The following IDH2 variants were observed in gnomAD, a reference collection of about 807,000 sequenced individuals.
IDH2 encodes the protein isocitrate dehydrogenase [NADP], mitochondrial.
Under a neutral mutation model 50.5 loss-of-function variants are expected in IDH2, and 18 were observed. The ratio of observed to expected loss-of-function variants is 0.36; its 90% CI spans 0.25 to 0.53. The LOEUF (loss-of-function observed/expected upper bound fraction) is 0.53. IDH2 is among the 20% of genes least tolerant of loss of function. IDH2 has a pLI of 0.92. For synonymous variants in IDH2, 280 were observed against 239.8 expected, an observed-to-expected ratio of 1.17 and a Z score of -1.55; for missense variants, 518 against 610.7, an observed-to-expected ratio of 0.85 and a Z score of 1.60.
At chr15:90,088,261 T>C in intron 5 of IDH2, 98 bp downstream of exon 5, 1 of 1,493,250 alleles carries the variant, frequency 6.7e-7, no homozygotes, top group South Asian at 1.1e-5. Context: ...CTTTGTGGCC[T>C]AAGAATGAGG....
At chr15:90,086,979 C>T (rs1478734926) in intron 7 of IDH2, 133 bp downstream of exon 7, 4 of 946,618 alleles carry the variant, frequency 4.2e-6, no homozygotes, top group Non-Finnish European at 6.8e-6. Flanking sequence ...AGCTCCTGCC[C>T]CCTGCTGTCC....
intron 7 of IDH2, among the ~76,000 whole-genome samples, chr15:90,086,869 A>T (rs1308006608): frequency 6.6e-6 from 1 of 152,144 alleles, no homozygotes; most frequent in Non-Finnish European, 1.5e-5. Flanking sequence ...CTGTCAACCT[A>T]GCCCTGGAAT....
chr15:90,095,200 G>A (rs993876505), intron 1 of IDH2, among the ~76,000 whole-genome samples: 3 of 152,072 alleles, frequency 2.0e-5, no homozygotes, highest in South Asian at 2.1e-4. Flanking sequence ...TGGAAGACCC[G>A]TGGGTCAGAT....
intron 1 of IDH2, among the ~76,000 whole-genome samples, chr15:90,093,511 T>C (rs112099682): frequency 1.4e-4 from 21 of 152,366 alleles, no homozygotes; most frequent in African/African-American, 4.1e-4. Flanking sequence ...GTGCCTACTA[T>C]GTGCCTTACA....
At chr15:90,089,353 G>A (rs183948412) in intron 3 of IDH2, among the ~76,000 whole-genome samples, 7 of 152,310 alleles carry the variant, frequency 4.6e-5, no homozygotes, top group Admixed American at 2.0e-4. Context: ...AACGGTGCCC[G>A]GTCCATGCTA....
chr15:90,095,362 G>A (rs1316553262), intron 1 of IDH2, among the ~76,000 whole-genome samples: 2 of 152,046 alleles, frequency 1.3e-5, no homozygotes, highest in African/African-American at 2.4e-5. Context: ...TGAAGCTTGA[G>A]TGGAAAGAGC....
At chr15:90,087,378 G>C (rs1397017468) in intron 6 of IDH2, 61 bp downstream of exon 6, 1 of 1,610,900 alleles carries the variant, frequency 6.2e-7, no homozygotes, top group Non-Finnish European at 8.5e-7. Context: ...TCCCAGGGTA[G>C]GATGGGAACA....
chr15:90,092,787 A>G (rs570695310), intron 1 of IDH2, among the ~76,000 whole-genome samples: 2 of 152,308 alleles, frequency 1.3e-5, no homozygotes, highest in African/African-American at 4.8e-5. Flanking sequence ...CATGTTGGCC[A>G]GGCTGGTCTC....
chr15:90,102,467 C>G lies in IDH2; in HGVS notation c.-77G>C. On this transcript the variant is annotated 5_prime_UTR_variant, in exon 1 of 11. Coordinates refer to ENST00000330062, the MANE Select transcript of IDH2 (RefSeq NM_002168.4). Reference sequence around the variant, plus strand: ...CTCCTCCCGGCTGCCTGGCCGCGGGCTAACGCTGGGCCTGGCGGGCGCTGG... The same window carrying G: ...CTCCTCCCGGCTGCCTGGCCGCGGGGTAACGCTGGGCCTGGCGGGCGCTGG... 1.2e-6 allele frequency: 1 copy of G among 827,820 alleles called. No homozygotes were observed. Among genetic ancestry groups the G allele is most frequent in the South Asian group, 5.6e-5 (1 of 17,708 alleles). The allele number at this position is 827,820 out of a possible 1,614,324, so 51.3% of individuals were successfully genotyped here. A position where few individuals can be genotyped will look rare whatever the true frequency, so the allele number is the denominator to read the frequency against.
intron 1 of IDH2, among the ~76,000 whole-genome samples, chr15:90,101,861 G>T (rs1447846349): frequency 6.6e-6 from 1 of 151,948 alleles, no homozygotes; most frequent in Non-Finnish European, 1.5e-5. Flanking sequence ...GCCGAGCCAC[G>T]ACCCTCCCTC....
In IDH2 at chr15:90,084,055, T is replaced by C. The variant is rs1900789911; in HGVS notation, c.*211A>G. 5 of 598,176 alleles carry C rather than the reference T, an allele frequency of 8.4e-6. No homozygotes were observed. The Admixed American group carries it at 1.4e-4, about 17-fold the overall frequency. The allele number at this position is 598,176 out of a possible 1,614,324, so 37.1% of individuals were successfully genotyped here. Reference sequence around the variant, plus strand: ...AATATAAATTACAGTATGCAAAACATACTGACTGGCTGAGGTAAAACGCAC... The same window carrying C: ...AATATAAATTACAGTATGCAAAACACACTGACTGGCTGAGGTAAAACGCAC... On this transcript the variant is annotated 3_prime_UTR_variant, in exon 11 of 11. Transcript: ENST00000330062. This position sits in a 1 kb window ranked among gnomAD's most constrained non-coding sequence, Gnocchi z 5.0.
intron 1 of IDH2, among the ~76,000 whole-genome samples, chr15:90,095,944 G>T (rs1332928645): frequency 6.6e-6 from 1 of 152,134 alleles, no homozygotes; most frequent in East Asian, 1.9e-4. Flanking sequence ...CTTAATTGGT[G>T]ACCAAGTTTT....
rs960072591 is a variant in IDH2 at position 90,098,948 on chromosome 15, T to A, written c.115+3328A>T. 7.2e-5 allele frequency among the ~76,000 whole-genome samples: 11 copies of A among 152,128 alleles called. No individual in the cohort carries two copies. The highest frequency in any genetic ancestry group is 2.7e-4 in the African/African-American group (11 of 41,424). On this transcript the variant is annotated intron_variant, in intron 1 of 10. Transcript: ENST00000330062. This position sits in a 1 kb window ranked among gnomAD's most constrained non-coding sequence, Gnocchi z 5.1. ...AGCCACCCTCAGACAAGCCCACCCT[T>A]GCCATAAGTGAGTGCCTGCTGCGTA...
At chr15:90,086,922 A>G (rs1486322248) in intron 7 of IDH2, among the ~76,000 whole-genome samples, 190 bp downstream of exon 7, 1 of 151,994 alleles carries the variant, frequency 6.6e-6, no homozygotes, top group Non-Finnish European at 1.5e-5. Flanking sequence ...TCAGTCATAC[A>G]CCAGTCCAAA....
Position 90,090,504 on chromosome 15 carries a change from G to A in IDH2, c.348C>T (p.Ile116=). 1 of 1,613,916 alleles carries A rather than the reference G, an allele frequency of 6.2e-7. No individual in the cohort carries two copies. The highest frequency in any genetic ancestry group is 1.1e-5 in the South Asian group (1 of 91,050). Residue 116 remains isoleucine, a synonymous_variant, in exon 3 of 11, where the codon ATC becomes ATT. Coordinates refer to ENST00000330062, the MANE Select transcript of IDH2 (RefSeq NM_002168.4). The part of the protein sequence containing the change: ...KYSVAVKCAT[I]TPDEARVEEF... ...CTTCCACACGGGCCTCATCAGGGGT[G>A]ATGGTGGCACACTTGACAGCCACAC... is the stretch of plus-strand genomic sequence containing the variant.
At chr15:90,087,390 CA>C (rs755875875) in intron 6 of IDH2, 48 bp downstream of exon 6, 2 of 1,613,722 alleles carry the variant, frequency 1.2e-6, no homozygotes, top group Non-Finnish European at 1.7e-6. Flanking sequence ...ATGGGAACAG[CA>C]TGGGGGGAAG....
intron 7 of IDH2, 48 bp downstream of exon 7, chr15:90,087,061 AGAG>A: frequency 6.2e-7 from 1 of 1,602,672 alleles, no homozygotes; most frequent in Non-Finnish European, 8.5e-7. Flanking sequence ...CCCTCCAGCC[AGAG>A]AAGACCAACA....
At chr15:90,095,791 G>C (rs1439865994) in intron 1 of IDH2, among the ~76,000 whole-genome samples, 1 of 152,222 alleles carries the variant, frequency 6.6e-6, no homozygotes, top group East Asian at 1.9e-4. Flanking sequence ...AACAGAGAGA[G>C]AGCAAGCAGG....
intron 1 of IDH2, among the ~76,000 whole-genome samples, chr15:90,091,919 G>A (rs1237289399): frequency 6.6e-6 from 1 of 152,180 alleles, no homozygotes; most frequent in Non-Finnish European, 1.5e-5. Flanking sequence ...TTGGGAACTG[G>A]GCCACACAGC....
Sources: allele counts gnomAD v4.1 joint callset (sites outside exome capture counted in the v4.1 genomes callset), GRCh38; gene constraint gnomAD v4.1.1; non-coding constraint Gnocchi (gnomAD v3.1); transcripts MANE v1.5; gene names NCBI Gene and HGNC (gene_info 2026-07-23, HGNC 2026-07-21).